Variants in ACKR2 observed in about 807,000 individuals in gnomAD.
The protein encoded by ACKR2 is atypical chemokine receptor 2.
For missense variants in ACKR2, 457 were observed against 477.3 expected (o/e 0.96, Z 0.40); for synonymous variants, 207 against 192.2 (o/e 1.08, Z -0.64).
At chr3:42,841,715 G>A (rs910317694) in intron 2 of ACKR2, 2 of 152,270 alleles carry the variant, frequency 1.3e-5, no homozygotes, top group African/African-American at 4.8e-5. Context: ...CAGCCTAGTA[G>A]AGGCAATGTC....
intron 2 of ACKR2, among the ~76,000 whole-genome samples, chr3:42,849,991 C>T (rs1465581133): frequency 1.3e-5 from 2 of 152,008 alleles, no homozygotes; most frequent in African/African-American, 4.8e-5. Flanking sequence ...CCAGGAATCT[C>T]GTGCTTTATT....
intron 2 of ACKR2, among the ~76,000 whole-genome samples, chr3:42,820,344 T>C (rs373926671): frequency 1.8e-4 from 28 of 152,102 alleles, no homozygotes; most frequent in African/African-American, 6.7e-4. Flanking sequence ...AGAAATATAA[T>C]CTGCTTTGGG....
chr3:42,860,189 A>AAAAAAAAAAAAAAACAAAAAAC (rs376833790), intron 2 of ACKR2, among the ~76,000 whole-genome samples: 1 of 111,520 alleles, frequency 9.0e-6, no homozygotes, highest in African/African-American at 2.9e-5. Flanking sequence ...AAAAAAAAAA[A>AAAAAAAAAAAAAAACAAAAAAC]GCAGGGGATG....
intron 2 of ACKR2, among the ~76,000 whole-genome samples, chr3:42,844,332 C>T (rs1200563566): frequency 1.3e-5 from 2 of 152,054 alleles, no homozygotes; most frequent in African/African-American, 2.4e-5. Flanking sequence ...GACTTAATCC[C>T]CCAGGAGAAA....
intron 2 of ACKR2, among the ~76,000 whole-genome samples, chr3:42,851,997 T>C (rs1206850528): frequency 6.6e-6 from 1 of 152,198 alleles, no homozygotes; most frequent in Non-Finnish European, 1.5e-5. Flanking sequence ...GAATCAAATG[T>C]CATTTAATCA....
chr3:42,824,290 T>C (rs750624868), intron 2 of ACKR2, among the ~76,000 whole-genome samples: 4 of 152,200 alleles, frequency 2.6e-5, no homozygotes, highest in Non-Finnish European at 5.9e-5. Flanking sequence ...GTATTGTTAT[T>C]TTTAAATTTT....
intron 2 of ACKR2, 121 bp from the exon 3 acceptor site, chr3:42,864,345 T>G (rs1464900659): frequency 1.2e-6 from 1 of 828,262 alleles, no homozygotes; most frequent in African/African-American, 1.7e-5. Context: ...TTGCTCTTAC[T>G]TGCTGGACTG....
intron 1 of ACKR2, among the ~76,000 whole-genome samples, chr3:42,811,992 A>G (rs1396484040): frequency 6.6e-6 from 1 of 152,142 alleles, no homozygotes; most frequent in Admixed American, 6.5e-5. Flanking sequence ...TAGCCGAGAT[A>G]GTGAAAATAG....
At chr3:42,830,918 A>G (rs1700925592) in intron 2 of ACKR2, among the ~76,000 whole-genome samples, 2 of 152,074 alleles carry the variant, frequency 1.3e-5, no homozygotes, top group South Asian at 2.1e-4. Context: ...AATTTTAAAC[A>G]TTTTGGTCTT....
Position 42,865,197 on chromosome 3 carries a change from G to C in ACKR2, c.695G>C (p.Arg232Pro), listed in dbSNP as rs781335034. The C allele has an allele frequency of 6.2e-7, 1 of 1,614,110 alleles. No individual in the cohort carries two copies. The highest frequency in any genetic ancestry group is 1.7e-5 in the Admixed American group (1 of 60,018). Residue 232 changes from arginine (R) to proline (P), a missense_variant, in exon 3 of 3, where the codon CGT becomes CCT. Physicochemically the swap from Arg to Pro is moderately radical, Grantham distance 103. Coordinates refer to ENST00000422265, the MANE Select transcript of ACKR2 (RefSeq NM_001296.5). The part of the protein sequence containing the change: ...PLLAMIFFYS[R>P]IGCVLVRLRP... ...CTTGCCATGATCTTCTTCTACTCCC[G>C]TATTGGTTGTGTCTTGGTGAGGCTG...
chr3:42,838,928 C>T (rs968409708), intron 2 of ACKR2, among the ~76,000 whole-genome samples: 4 of 152,168 alleles, frequency 2.6e-5, no homozygotes, highest in African/African-American at 9.7e-5. Flanking sequence ...CAAACGTCCT[C>T]GAAACATACC....
chr3:42,817,138 A>T (rs1700759527), intron 1 of ACKR2, among the ~76,000 whole-genome samples: 1 of 152,158 alleles, frequency 6.6e-6, no homozygotes, highest in Non-Finnish European at 1.5e-5. Context: ...ACCATACATA[A>T]GGCACCAAGA....
rs1419264564 is a variant in ACKR2 at position 42,820,549 on chromosome 3, C to T, written c.-38+838C>T. On this transcript the variant is annotated intron_variant, in intron 2 of 2. Coordinates refer to ENST00000422265, the MANE Select transcript of ACKR2 (RefSeq NM_001296.5). ...CGGAGCTTGCAGTGAGCCCAGATCACGCCACTGCACTCCAGCCTGGGCAAC... is the reference window on the plus strand; with the variant it reads ...CGGAGCTTGCAGTGAGCCCAGATCATGCCACTGCACTCCAGCCTGGGCAAC... Among the ~76,000 whole-genome samples the T allele has an allele frequency of 4.7e-5, 7 of 148,490 alleles. No individual in the cohort carries two copies. In the East Asian group the frequency reaches 6.0e-4, roughly 13 times the overall value.
intron 2 of ACKR2, among the ~76,000 whole-genome samples, chr3:42,845,871 AAG>A (rs1341265376): frequency 1.3e-5 from 2 of 151,548 alleles, no homozygotes; most frequent in Admixed American, 6.6e-5. Flanking sequence ...AAAAAGAAAA[AAG>A]AAAAAAAGAA....
intron 2 of ACKR2, among the ~76,000 whole-genome samples, chr3:42,850,769 TG>T (rs1414824303): frequency 6.6e-6 from 1 of 152,178 alleles, no homozygotes; most frequent in African/African-American, 2.4e-5. Flanking sequence ...TGAGAGCTCC[TG>T]ACCCAGCAGG....
chr3:42,826,205 G>A (rs1177003237), intron 2 of ACKR2, among the ~76,000 whole-genome samples: 2 of 152,088 alleles, frequency 1.3e-5, no homozygotes, highest in Non-Finnish European at 2.9e-5. Flanking sequence ...AGGGATATTG[G>A]TGTGTAGTGT....
chr3:42,852,435 G>A lies in ACKR2; in HGVS notation c.-37-12031G>A, dbSNP rs1575389501. 2 of 150,242 alleles carry A rather than the reference G, an allele frequency of 1.3e-5. No homozygotes were observed. Among genetic ancestry groups the A allele is most frequent in the Admixed American group, 1.3e-4 (2 of 15,224 alleles). The allele number at this position is 150,242 out of a possible 1,614,324, so 9.3% of individuals were successfully genotyped here. On this transcript the variant is annotated intron_variant, in intron 2 of 2. Coordinates refer to ENST00000422265, the MANE Select transcript of ACKR2 (RefSeq NM_001296.5). This position sits in a 1 kb window ranked among gnomAD's most constrained non-coding sequence, Gnocchi z 4.3. ...TGAAAGTGCTTACTTTTTGTTAGCT[G>A]AAATAAGTTTTGGGAGGAGGGTTAC...
chr3:42,823,265 T>C (rs567500218), intron 2 of ACKR2, among the ~76,000 whole-genome samples: 1 of 152,334 alleles, frequency 6.6e-6, no homozygotes, highest in Non-Finnish European at 1.5e-5. Flanking sequence ...TTTTGTTTCT[T>C]ACAGCATCCC....
chr3:42,825,316 C>T (rs1700851347), intron 2 of ACKR2, among the ~76,000 whole-genome samples: 2 of 152,190 alleles, frequency 1.3e-5, no homozygotes, highest in South Asian at 4.1e-4. Context: ...TCTTAACAAC[C>T]TTTAGTCTTC....
Sources: gnomAD v4.1 joint callset for allele counts (sites outside exome capture counted in the v4.1 genomes callset) on GRCh38, gnomAD v4.1.1 for gene constraint, Gnocchi (gnomAD v3.1) non-coding constraint, MANE v1.5 for transcripts, NCBI Gene and HGNC (gene_info 2026-07-23, HGNC 2026-07-21) for gene names.